PACS2: variants seen among roughly 807,000 people sequenced by gnomAD.
The protein encoded by PACS2 is phosphofurin acidic cluster sorting protein 2, also known as PACS1-like protein.
PACS2 carries 36 observed loss-of-function variants against 113.0 expected under a neutral mutation model. The observed-to-expected ratio is 0.32, with a 90% CI of 0.24 to 0.42. PACS2 has a LOEUF of 0.42. Among genes scored for constraint, PACS2 ranks in the 10% least tolerant of loss-of-function variants. The pLI is 1.00. For missense variants in PACS2, 1,015 were observed against 1,239.5 expected (o/e 0.82, Z 2.72); for synonymous variants, 589 against 536.1 (o/e 1.10, Z -1.36).
intron 8 of PACS2, among the ~76,000 whole-genome samples, chr14:105,373,999 A>G (rs1025601750): frequency 6.6e-6 from 1 of 152,016 alleles, no homozygotes; most frequent in Non-Finnish European, 1.5e-5. Context: ...TAAAAATACA[A>G]AAACAATTAG....
intron 4 of PACS2, among the ~76,000 whole-genome samples, chr14:105,362,949 C>T (rs892641315): frequency 3.9e-5 from 6 of 152,048 alleles, no homozygotes; most frequent in African/African-American, 9.6e-5. Flanking sequence ...TCGTCTCCTG[C>T]GAGTCTCCAG....
At chr14:105,333,060 G>A (rs995838178) in intron 1 of PACS2, among the ~76,000 whole-genome samples, 1 of 152,114 alleles carries the variant, frequency 6.6e-6, no homozygotes, top group Non-Finnish European at 1.5e-5. Flanking sequence ...GATGCAGACC[G>A]AGCCTGGGCC....
At chr14:105,319,958 A>G (rs2058827297) in intron 1 of PACS2, among the ~76,000 whole-genome samples, 1 of 152,170 alleles carries the variant, frequency 6.6e-6, no homozygotes, top group Non-Finnish European at 1.5e-5. Context: ...TATTGTGGTA[A>G]ATTACATAAA....
At position 105,393,265 on chromosome 14, in the gene PACS2, T is replaced by C. The variant is rs2081423378; in HGVS notation, c.2526T>C (p.Ser842=). 1 of 1,612,858 alleles carries C rather than the reference T, an allele frequency of 6.2e-7. No homozygotes were observed. ...AAGCGAAGGACAAGGACGTGGAGTC[T>C]AAGAGCCAGTGCATTGAGGGCATCA... ...PKKAKDKDVE[S]KSQCIEGISR... The change falls in exon 24 of 25, where the codon TCT becomes TCC. Residue 842 remains serine, a synonymous_variant. Coordinates refer to ENST00000447393, the MANE Select transcript of PACS2 (RefSeq NM_001100913.3).
intron 2 of PACS2, among the ~76,000 whole-genome samples, chr14:105,349,236 T>G (rs1320522801): frequency 1.3e-5 from 2 of 152,212 alleles, no homozygotes; most frequent in African/African-American, 4.8e-5. Context: ...TTCAGGGTCA[T>G]ACGGTTCCAG....
rs782441139 is a variant in PACS2, at chr14:105,392,667, G to A, written c.2304G>A (p.Thr768=). The A allele has an allele frequency of 1.6e-5, 25 of 1,612,202 alleles. No homozygotes were observed. Among genetic ancestry groups the A allele is most frequent in the South Asian group, 4.4e-5 (4 of 90,940 alleles). The part of the protein sequence containing the change: ...ELMGLQVDYW[T]AAQPADRKRD... The stretch of plus-strand genomic sequence containing the variant: ...TGGGGCTGCAGGTGGACTACTGGAC[G>A]GCAGCACAGCCTGCGGACAGGAAGA... Residue 768 remains threonine (T), a synonymous_variant, in exon 23 of 25, where the codon ACG becomes ACA. Coordinates refer to ENST00000447393, the MANE Select transcript of PACS2 (RefSeq NM_001100913.3).
At chr14:105,339,933 C>T (rs2059663116) in intron 1 of PACS2, among the ~76,000 whole-genome samples, 1 of 152,166 alleles carries the variant, frequency 6.6e-6, no homozygotes, top group Non-Finnish European at 1.5e-5. Flanking sequence ...CATGAGCCAC[C>T]ACATCCGGCC....
At chr14:105,331,223 G>T (rs2059293213) in intron 1 of PACS2, among the ~76,000 whole-genome samples, 2 of 152,192 alleles carry the variant, frequency 1.3e-5, no homozygotes, top group Non-Finnish European at 2.9e-5. Flanking sequence ...CCAAAGTGCT[G>T]GGATTACAGG....
At chr14:105,336,090 G>A (rs959175755) in intron 1 of PACS2, among the ~76,000 whole-genome samples, 4 of 152,200 alleles carry the variant, frequency 2.6e-5, no homozygotes, top group Non-Finnish European at 4.4e-5. Flanking sequence ...CAGCTCCCAC[G>A]CGGGCAGGCT....
chr14:105,383,970 C>T (rs1450759419), intron 16 of PACS2: 7 of 296,344 alleles, frequency 2.4e-5, no homozygotes, highest in South Asian at 2.1e-4. Context: ...TGTCTTACCA[C>T]GAAACAAACC....
At chr14:105,301,437 G>A (rs1289940844) in intron 1 of PACS2, among the ~76,000 whole-genome samples, 1 of 151,934 alleles carries the variant, frequency 6.6e-6, no homozygotes, top group Non-Finnish European at 1.5e-5. Context: ...GAGGCGAGGG[G>A]GCCGAGCGTG....
chr14:105,392,393 C>T (rs1347705918), intron 22 of PACS2: 9 of 570,026 alleles, frequency 1.6e-5, no homozygotes, highest in African/African-American at 5.6e-5. Flanking sequence ...CCTCCCAGGC[C>T]GAGGCTCTCC....
chr14:105,387,732 A>G (rs1438576355), intron 19 of PACS2, among the ~76,000 whole-genome samples: 1 of 152,146 alleles, frequency 6.6e-6, no homozygotes, highest in African/African-American at 2.4e-5. Flanking sequence ...GCACTGCCCC[A>G]TGGGCCTCGG....
rs782634591 is a variant in PACS2, at chr14:105,367,294, A to C, written c.505A>C (p.Ile169Leu). 1.9e-6 allele frequency: 3 copies of C among 1,613,268 alleles called. No individual in the cohort carries two copies. The South Asian group carries it at 3.3e-5, about 18-fold the overall frequency. The change falls in exon 5 of 25, where the codon ATC (isoleucine) becomes CTC (leucine). Residue 169 changes from isoleucine (I) to leucine (L), a missense_variant. Physicochemically the swap from Ile to Leu is conservative, Grantham distance 5. Transcript: ENST00000447393. ...GGAGGCCCCCGTCAAGGCGGCCGAG[A>C]TCTGGATCGCCTCCCTGTCCAGCCA... ...IKEAPVKAAEIWIASLSSQPI... is the reference protein window; with the variant it reads ...IKEAPVKAAELWIASLSSQPI...
chr14:105,307,490 C>T (rs917989774), intron 1 of PACS2, among the ~76,000 whole-genome samples: 14 of 152,196 alleles, frequency 9.2e-5, no homozygotes, highest in Non-Finnish European at 1.5e-5. Flanking sequence ...TGCTTCCCCA[C>T]GTGCCCCTCC....
At chr14:105,362,696 T>C (rs1375670854) in intron 4 of PACS2, among the ~76,000 whole-genome samples, 1 of 149,930 alleles carries the variant, frequency 6.7e-6, no homozygotes, top group Non-Finnish European at 1.5e-5. Flanking sequence ...GCTAAAAATA[T>C]AAAAATTAGC....
At chr14:105,372,236 C>T (rs2061181655) in intron 8 of PACS2, 1 of 152,230 alleles carries the variant, frequency 6.6e-6, no homozygotes, top group Non-Finnish European at 1.5e-5. Flanking sequence ...CAGCCCTCAG[C>T]TTCAGCTCAC....
Position 105,394,809 on chromosome 14 carries a change from A to G in PACS2, c.*137A>G. On this transcript the variant is annotated 3_prime_UTR_variant, in exon 25 of 25. Coordinates refer to ENST00000447393, the MANE Select transcript of PACS2 (RefSeq NM_001100913.3). ...CAGTCTTAAGTATGAATGTGCTCAC[A>G]ACGTGGAAACTAACGGGGGAGCTCC... is the stretch of plus-strand genomic sequence containing the variant. 1 of 672,126 alleles carries G rather than the reference A, an allele frequency of 1.5e-6. No homozygotes were observed. The highest frequency in any genetic ancestry group is 2.7e-6 in the Non-Finnish European group (1 of 372,598). The allele number at this position is 672,126 out of a possible 1,614,324, so 41.6% of individuals were successfully genotyped here. A position where few individuals can be genotyped will look rare whatever the true frequency, so the allele number is the denominator to read the frequency against.
At position 105,356,051 on chromosome 14, in the gene PACS2, A is replaced by G. The variant is rs587661230; in HGVS notation, c.423+874A>G. Among the ~76,000 whole-genome samples the G allele has an allele frequency of 6.6e-6, 1 of 152,252 alleles. No individual in the cohort carries two copies. Among genetic ancestry groups the G allele is most frequent in the South Asian group, 2.1e-4 (1 of 4,824 alleles). ...GGAAGGTCAGCCAGCGCAGCCCCTC[A>G]TTGGGAGCCGGAGATGCCAGAGCCC... On this transcript the variant is annotated intron_variant, in intron 4 of 24. Transcript: ENST00000447393. This position sits in a 1 kb window ranked among gnomAD's most constrained non-coding sequence, Gnocchi z 4.0.
Sources: gnomAD v4.1 joint callset for allele counts (sites outside exome capture counted in the v4.1 genomes callset) on GRCh38, gnomAD v4.1.1 for gene constraint, Gnocchi (gnomAD v3.1) non-coding constraint, MANE v1.5 for transcripts, NCBI Gene and HGNC (gene_info 2026-07-23, HGNC 2026-07-21) for gene names.